The following KLHL1 variants were observed in gnomAD, a reference collection of about 807,000 sequenced individuals.
KLHL1 encodes the protein kelch-like protein 1.
A neutral mutation model predicts 77.7 loss-of-function variants in KLHL1; 47 were observed. The ratio of observed to expected loss-of-function variants is 0.60; its 90% CI spans 0.48 to 0.77. KLHL1 has a LOEUF of 0.77. Among genes scored for constraint, KLHL1 ranks in the 30% least tolerant of loss-of-function variants. KLHL1 has a pLI of 0.00. For missense variants in KLHL1, 925 were observed against 910.8 expected (o/e 1.02, Z -0.20); for synonymous variants, 360 against 325.2 (o/e 1.11, Z -1.15).
intron 7 of KLHL1, among the ~76,000 whole-genome samples, chr13:69,754,639 C>T (rs1268758504): frequency 6.6e-6 from 1 of 152,148 alleles, no homozygotes; most frequent in Non-Finnish European, 1.5e-5. Context: ...CCAATTCATT[C>T]TTCATATTGC....
chr13:70,013,609 A>T (rs1322831769), intron 1 of KLHL1, among the ~76,000 whole-genome samples: 3 of 151,564 alleles, frequency 2.0e-5, no homozygotes, highest in South Asian at 4.1e-4. Context: ...TTTTTTTCTG[A>T]GTTGGTGAAC....
chr13:70,016,460 T>C (rs1885660596), intron 1 of KLHL1, among the ~76,000 whole-genome samples: 1 of 152,230 alleles, frequency 6.6e-6, no homozygotes, highest in Admixed American at 6.5e-5. Context: ...TCTAGCTCCC[T>C]GGCCTCTCCC....
At chr13:69,952,753 T>C (rs1472508576) in intron 3 of KLHL1, among the ~76,000 whole-genome samples, 2 of 151,356 alleles carry the variant, frequency 1.3e-5, no homozygotes, top group East Asian at 1.9e-4. Flanking sequence ...CGTGTTCCCA[T>C]TATAAGTGTC....
chr13:69,919,460 A>T (rs949360614), intron 4 of KLHL1, among the ~76,000 whole-genome samples: 3 of 152,074 alleles, frequency 2.0e-5, no homozygotes, highest in African/African-American at 7.2e-5. Flanking sequence ...GATATTGCTG[A>T]TGTATGTTTC....
At chr13:69,861,068 A>C (rs1373384645) in intron 5 of KLHL1, among the ~76,000 whole-genome samples, 1 of 152,082 alleles carries the variant, frequency 6.6e-6, no homozygotes, top group Non-Finnish European at 1.5e-5. Context: ...AAAATAAAGT[A>C]TGTTTTTAAT....
At chr13:69,876,207 A>G (rs1004358002) in intron 5 of KLHL1, among the ~76,000 whole-genome samples, 2 of 152,136 alleles carry the variant, frequency 1.3e-5, no homozygotes, top group Admixed American at 6.5e-5. Context: ...TCTGCTCTGT[A>G]TATTTTCCAC....
chr13:70,019,292 G>A (rs1437256894), intron 1 of KLHL1, among the ~76,000 whole-genome samples: 1 of 152,130 alleles, frequency 6.6e-6, no homozygotes, highest in African/African-American at 2.4e-5. Flanking sequence ...GTGAGCCTGG[G>A]GAGATGGACT....
At chr13:70,081,389 G>A (rs536531929) in intron 1 of KLHL1, among the ~76,000 whole-genome samples, 1 of 152,128 alleles carries the variant, frequency 6.6e-6, no homozygotes, top group East Asian at 1.9e-4. Context: ...CAAGATTTTG[G>A]GTCCACTGCT....
intron 4 of KLHL1, among the ~76,000 whole-genome samples, chr13:69,916,795 G>A (rs929601654): frequency 1.3e-5 from 2 of 151,314 alleles, no homozygotes; most frequent in Non-Finnish European, 2.9e-5. Context: ...CTATATTTAC[G>A]ACAGAATGAT....
At chr13:69,990,934 A>T (rs1002028140) in intron 1 of KLHL1, among the ~76,000 whole-genome samples, 1 of 152,018 alleles carries the variant, frequency 6.6e-6, no homozygotes, top group Admixed American at 6.6e-5. Flanking sequence ...ACTCAAAAAA[A>T]CTGAAATCAT....
chr13:70,088,522 A>G (rs1316169911), intron 1 of KLHL1, among the ~76,000 whole-genome samples: 2 of 152,140 alleles, frequency 1.3e-5, no homozygotes, highest in African/African-American at 4.8e-5. Flanking sequence ...TCTATAAAAT[A>G]AACTTGTGAA....
intron 6 of KLHL1, among the ~76,000 whole-genome samples, chr13:69,830,694 A>C (rs754696129): frequency 2.0e-5 from 3 of 150,158 alleles, no homozygotes; most frequent in Non-Finnish European, 3.0e-5. Flanking sequence ...ACTGTATGAC[A>C]ACCCACAAAA....
chr13:69,969,055 G>T (rs1264913820), intron 2 of KLHL1, among the ~76,000 whole-genome samples: 3 of 92,552 alleles, frequency 3.2e-5, no homozygotes, highest in Non-Finnish European at 4.9e-5. Flanking sequence ...CTTTTTAGGA[G>T]ATTTTTTTTC....
At chr13:69,972,653 CA>C (rs1465418182) in intron 2 of KLHL1, among the ~76,000 whole-genome samples, 3 of 151,798 alleles carry the variant, frequency 2.0e-5, no homozygotes, top group Non-Finnish European at 2.9e-5. Context: ...TGATAAATAA[CA>C]TTATTTCCAA....
intron 1 of KLHL1, among the ~76,000 whole-genome samples, chr13:70,081,115 G>A (rs1373934930): frequency 1.3e-5 from 2 of 152,132 alleles, no homozygotes; most frequent in Admixed American, 6.5e-5. Flanking sequence ...GGAAGTAGGA[G>A]GATTTTAAGA....
At chr13:69,971,157 T>C (rs903170300) in intron 2 of KLHL1, among the ~76,000 whole-genome samples, 5 of 152,078 alleles carry the variant, frequency 3.3e-5, no homozygotes, top group Admixed American at 3.3e-4. Context: ...ACATTTTAAA[T>C]TTTTTCCATG....
At chr13:69,780,919 C>T (rs1005270450) in intron 7 of KLHL1, among the ~76,000 whole-genome samples, 1 of 151,646 alleles carries the variant, frequency 6.6e-6, no homozygotes, top group Non-Finnish European at 1.5e-5. Flanking sequence ...TTTCTGGATA[C>T]AAAGCGGCAG....
chr13:70,041,710 G>C (rs904059771), intron 1 of KLHL1, among the ~76,000 whole-genome samples: 1 of 152,040 alleles, frequency 6.6e-6, no homozygotes, highest in Non-Finnish European at 1.5e-5. Context: ...CAGTGGAGTG[G>C]GGTAGAAACG....
chr13:69,783,742 T>C (rs1593827530), intron 7 of KLHL1, among the ~76,000 whole-genome samples: 1 of 131,336 alleles, frequency 7.6e-6, no homozygotes, highest in Middle Eastern at 3.6e-3. Context: ...TGGAACCAAG[T>C]TGGAAAACAC....
Sources: gnomAD v4.1 joint callset for allele counts (sites outside exome capture counted in the v4.1 genomes callset) on GRCh38, gnomAD v4.1.1 for gene constraint, MANE v1.5 for transcripts, NCBI Gene and HGNC (gene_info 2026-07-23, HGNC 2026-07-21) for gene names.